Variants in C16orf96 observed in about 807,000 individuals in gnomAD.
C16orf96 encodes uncharacterized protein C16orf96.
In C16orf96, 108 loss-of-function variants were observed where a neutral mutation model predicts 103.6. The observed-to-expected ratio is 1.04, with a 90% CI of 0.89 to 1.22. The LOEUF is 1.22. Ranked by LOEUF, C16orf96 falls within the 50% of genes most tolerant of loss-of-function variation. C16orf96 has a pLI of 0.00. For missense variants in C16orf96, 1,586 were observed against 1,464.2 expected (o/e 1.08, Z -1.36); for synonymous variants, 566 against 593.5 (o/e 0.95, Z 0.67).
chr16:4,579,060 G>A lies in C16orf96; in HGVS notation c.2241+35G>A, dbSNP rs969490955. On this transcript the variant is annotated intron_variant, in intron 6 of 15. Coordinates refer to ENST00000444310, the MANE Select transcript of C16orf96 (RefSeq NM_001145011.2). ...TCCGGCGAAGGGCTTTTGAGGCAGT[G>A]ATGGCTTGAGGTGAGCTGGCTGAAG... The A allele has an allele frequency of 1.7e-5, 26 of 1,535,448 alleles. No individual in the cohort carries two copies. In the South Asian group the frequency reaches 2.9e-4, roughly 17 times the overall value.
chr16:4,588,110 A>G, intron 8 of C16orf96, 57 bp from the exon 9 acceptor site: 1 of 1,517,462 alleles, frequency 6.6e-7, no homozygotes, highest in Non-Finnish European at 8.9e-7. Flanking sequence ...GATGTCTCCC[A>G]GCTTTGCCTT....
chr16:4,552,084 AC>A (rs1229208046), upstream of C16orf96, among the ~76,000 whole-genome samples: 1 of 152,182 alleles, frequency 6.6e-6, no homozygotes, highest in Non-Finnish European at 1.5e-5. Flanking sequence ...CTTGCAAAGG[AC>A]ATGAACTCAT....
chr16:4,598,773 C>T (rs1897226038), intron 14 of C16orf96, among the ~76,000 whole-genome samples: 1 of 152,162 alleles, frequency 6.6e-6, no homozygotes, highest in South Asian at 2.1e-4. Flanking sequence ...CCTAGAGTTA[C>T]TTTCAAAGAG....
upstream of C16orf96, among the ~76,000 whole-genome samples, chr16:4,551,780 A>G (rs540436574): frequency 3.3e-5 from 5 of 152,194 alleles, no homozygotes; most frequent in South Asian, 2.1e-4. Flanking sequence ...TCTGGGATAC[A>G]TGTGCTGAAT....
At position 4,556,657 on chromosome 16, in the gene C16orf96, G is replaced by A. The variant is rs759002880; in HGVS notation, c.168G>A (p.Ser56=). Reference sequence around the variant, plus strand: ...GCGATGAGGACTTCCTGCAGACCTCGCAGGTGGTCATCATGCCCAGGGAAG... The same window carrying A: ...GCGATGAGGACTTCCTGCAGACCTCACAGGTGGTCATCATGCCCAGGGAAG... ...LSGDEDFLQT[S]QVVIMPREGD... is the part of the protein sequence containing the mutation. The change falls in exon 1 of 16, where the codon TCG becomes TCA. Residue 56 remains serine, a synonymous_variant. Coordinates refer to ENST00000444310, the MANE Select transcript of C16orf96 (RefSeq NM_001145011.2). The A allele has an allele frequency of 8.4e-6, 13 of 1,551,578 alleles. No individual in the cohort carries two copies. Among genetic ancestry groups the A allele is most frequent in the Non-Finnish European group, 1.1e-5 (13 of 1,146,884 alleles).
intron 14 of C16orf96, among the ~76,000 whole-genome samples, chr16:4,597,587 G>A (rs572817101): frequency 1.3e-5 from 2 of 150,178 alleles, no homozygotes; most frequent in Non-Finnish European, 3.0e-5. Context: ...ACGGAGTTTC[G>A]CTCTTGTTGC....
In C16orf96 at chr16:4,556,758, A is replaced by G. The variant is rs1471917608; in HGVS notation, c.269A>G (p.Lys90Arg). 6.4e-7 allele frequency: 1 copy of G among 1,551,604 alleles called. No homozygotes were observed. The highest frequency in any genetic ancestry group is 1.4e-5 in the African/African-American group (1 of 73,042). Residue 90 changes from lysine to arginine, a missense_variant, in exon 1 of 16, where the codon AAG (lysine) becomes AGG (arginine). Physicochemically the swap from Lys to Arg is conservative, Grantham distance 26. Coordinates refer to ENST00000444310, the MANE Select transcript of C16orf96 (RefSeq NM_001145011.2). ...VFDHVVSRLD[K>R]LENQLALLQD... ...GACCACGTGGTGAGCCGCCTCGACA[A>G]GTTGGAGAACCAGCTGGCCCTGCTG... is the stretch of plus-strand genomic sequence containing the variant.
At chr16:4,548,748 C>T in the C16orf96 span, among the ~76,000 whole-genome samples, 4 of 152,062 alleles carry the variant, frequency 2.6e-5, no homozygotes, top group African/African-American at 7.2e-5. Flanking sequence ...TGGTGCATGC[C>T]TATAATCCCA....
intron 7 of C16orf96, among the ~76,000 whole-genome samples, chr16:4,582,494 T>G (rs1181781772): frequency 6.6e-6 from 1 of 151,918 alleles, no homozygotes; most frequent in Admixed American, 6.6e-5. Flanking sequence ...CAACTTTGAA[T>G]GGAAAATAAC....
At chr16:4,557,065 G>A (rs1455924536) in intron 1 of C16orf96, among the ~76,000 whole-genome samples, 156 bp downstream of exon 1, 7 of 152,088 alleles carry the variant, frequency 4.6e-5, no homozygotes, top group Admixed American at 1.3e-4. Flanking sequence ...CGCCTCCCGG[G>A]TTCAAGTGAT....
chr16:4,563,386 T>C (rs2059353190), intron 1 of C16orf96, among the ~76,000 whole-genome samples: 1 of 151,778 alleles, frequency 6.6e-6, no homozygotes, highest in Non-Finnish European at 1.5e-5. Context: ...ACCTCCTGAG[T>C]AGGTAGGACT....
the C16orf96 span, among the ~76,000 whole-genome samples, chr16:4,548,557 C>A: frequency 0.19 from 29,575 of 152,134 alleles, 3,181 homozygotes; most frequent in Middle Eastern, 0.3. Flanking sequence ...CTCCCAAGAA[C>A]TTTTGCGCCT....
Position 4,576,807 on chromosome 16 carries a change from G to A in C16orf96, c.2155+172G>A, listed in dbSNP as rs1227707395. 2.6e-5 allele frequency among the ~76,000 whole-genome samples: 4 copies of A among 152,178 alleles called. No individual in the cohort carries two copies. In the East Asian group the frequency reaches 7.7e-4, roughly 29 times the overall value. On this transcript the variant is annotated intron_variant, in intron 5 of 15. Coordinates refer to ENST00000444310, the MANE Select transcript of C16orf96 (RefSeq NM_001145011.2). ...GCTCTTAACGAGTCTATTCTTTTCT[G>A]TTGAATGTACAATGAGGTCTTATCT...
At chr16:4,545,472 G>A in the C16orf96 span, among the ~76,000 whole-genome samples, 21 of 152,048 alleles carry the variant, frequency 1.4e-4, no homozygotes, top group African/African-American at 4.8e-4. Flanking sequence ...GATTACAGGC[G>A]TGAGCCGCTG....
At chr16:4,588,029 C>A in intron 8 of C16orf96, 138 bp from the exon 9 acceptor site, 1 of 763,260 alleles carries the variant, frequency 1.3e-6, no homozygotes, top group Non-Finnish European at 2.0e-6. Context: ...CCACGTAGAC[C>A]CCAGGGTTGC....
the C16orf96 span, among the ~76,000 whole-genome samples, chr16:4,550,739 C>T: frequency 1.3e-5 from 2 of 152,224 alleles, no homozygotes; most frequent in Non-Finnish European, 2.9e-5. Context: ...GTTCTAGCCT[C>T]ATGGTGCTGC....
chr16:4,580,713 G>A (rs568110501), intron 7 of C16orf96, among the ~76,000 whole-genome samples: 2 of 152,114 alleles, frequency 1.3e-5, no homozygotes, highest in South Asian at 2.1e-4. Flanking sequence ...GGGACTGGGC[G>A]CGGTGGTTCA....
At chr16:4,581,817 G>A (rs372762778) in intron 7 of C16orf96, among the ~76,000 whole-genome samples, 1 of 151,986 alleles carries the variant, frequency 6.6e-6, no homozygotes, top group African/African-American at 2.4e-5. Context: ...TTAGCCAAGC[G>A]TGGTAGCACA....
chr16:4,571,996 C>A (rs182853946), intron 2 of C16orf96, among the ~76,000 whole-genome samples: 3 of 151,822 alleles, frequency 2.0e-5, no homozygotes, highest in Admixed American at 2.0e-4. Flanking sequence ...ATTACAGGCA[C>A]GCACCACCAC....
Sources: allele counts gnomAD v4.1 joint callset (sites outside exome capture counted in the v4.1 genomes callset), GRCh38; gene constraint gnomAD v4.1.1; transcripts MANE v1.5; gene names NCBI Gene and HGNC (gene_info 2026-07-23, HGNC 2026-07-21).